The following KNL1 variants were observed in gnomAD, a reference collection of about 807,000 sequenced individuals.
KNL1 encodes the protein kinetochore scaffold 1.
Under a neutral mutation model 201.3 loss-of-function variants are expected in KNL1, and 66 were observed. The ratio of observed to expected loss-of-function variants is 0.33; its 90% CI spans 0.27 to 0.40. KNL1 has a LOEUF of 0.40. Ranked by LOEUF, KNL1 falls within the 10% of genes least tolerant of loss-of-function variation. The pLI is 1.00. For synonymous variants in KNL1, 895 were observed against 899.2 expected (o/e 1.00, Z 0.08); for missense variants, 2,815 against 2,690.5 (o/e 1.05, Z -1.02).
chr15:40,650,312 T>G lies in KNL1; in HGVS notation c.6106T>G (p.Leu2036Val). 1 of 1,606,154 alleles carries G rather than the reference T, an allele frequency of 6.2e-7. No homozygotes were observed. Among genetic ancestry groups the G allele is most frequent in the Non-Finnish European group, 8.5e-7 (1 of 1,173,246 alleles). Residue 2036 changes from leucine (L) to valine (V), a missense_variant, in exon 18 of 26, where the codon TTG (leucine) becomes GTG (valine). By Grantham distance (32) the Leu-to-Val change is conservative. Transcript: ENST00000399668. ...LTEMETETKN[L>V]EDEEKNNPVE... is the part of the protein sequence containing the mutation. ...ACTGTCTACTTTAGAAACTAAGAAT[T>G]TGGAGGATGAAGAGAAAAACAATCC...
At chr15:40,654,149 A>G (rs973137552) in intron 21 of KNL1, among the ~76,000 whole-genome samples, 1 of 152,206 alleles carries the variant, frequency 6.6e-6, no homozygotes, top group Non-Finnish European at 1.5e-5. Context: ...TAAAGAGAAA[A>G]TAATCAATTC....
At chr15:40,656,298 T>C (rs566732985) in intron 22 of KNL1, among the ~76,000 whole-genome samples, 1 of 151,966 alleles carries the variant, frequency 6.6e-6, no homozygotes, top group African/African-American at 2.4e-5. Context: ...CTGGGCATTG[T>C]GGTGTGTGCC....
In KNL1 at chr15:40,622,420, G is replaced by C; in HGVS notation, c.2156G>C (p.Ser719Thr). 1 of 1,613,772 alleles carries C rather than the reference G, an allele frequency of 6.2e-7. No individual in the cohort carries two copies. The highest frequency in any genetic ancestry group is 8.5e-7 in the Non-Finnish European group (1 of 1,179,778). ...AAAAATCATGATACTGCTATAAGTA[G>C]TCATACAGTGAAATCTGTACTAGGC... ...SMKNHDTAIS[S>T]HTVKSVLGQN... is the part of the protein sequence containing the mutation. The change falls in exon 10 of 26, where the codon AGT (serine) becomes ACT (threonine). Residue 719 changes from serine to threonine, a missense_variant. Ser to Thr is a moderately conservative substitution (Grantham distance 58). Coordinates refer to ENST00000399668, the MANE Select transcript of KNL1 (RefSeq NM_144508.5).
Position 40,622,130 on chromosome 15 carries a change from A to G in KNL1, c.1866A>G (p.Pro622=). 6.2e-7 allele frequency: 1 copy of G among 1,614,124 alleles called. No individual in the cohort carries two copies. The highest frequency in any genetic ancestry group is 8.5e-7 in the Non-Finnish European group (1 of 1,179,984). Reference sequence around the variant, plus strand: ...AAATTACCAAAAGTCGTAATGAACCATTTCAGCGATCAGACATAATAGCCA... The same window carrying G: ...AAATTACCAAAAGTCGTAATGAACCGTTTCAGCGATCAGACATAATAGCCA... ...CEEITKSRNE[P]FQRSDIIAKN... is the part of the protein sequence containing the mutation. Residue 622 remains proline, a synonymous_variant, in exon 10 of 26, where the codon CCA becomes CCG. Transcript: ENST00000399668.
intron 6 of KNL1, chr15:40,610,850 A>G: frequency 6.6e-6 from 3 of 454,916 alleles, no homozygotes; most frequent in Middle Eastern, 4.5e-4. Flanking sequence ...CCTGGGTTTA[A>G]GCGATTCTCC....
At chr15:40,599,254 A>G (rs1001885857) in intron 1 of KNL1, among the ~76,000 whole-genome samples, 4 of 150,282 alleles carry the variant, frequency 2.7e-5, no homozygotes, top group African/African-American at 9.8e-5. Context: ...CAGAGGTTGC[A>G]GTGAGCCAAA....
At chr15:40,603,568 G>A (rs1454013751) in intron 2 of KNL1, among the ~76,000 whole-genome samples, 1 of 152,162 alleles carries the variant, frequency 6.6e-6, no homozygotes, top group Non-Finnish European at 1.5e-5. Context: ...ACCAGCCTGA[G>A]CAACATAGTA....
In KNL1 at chr15:40,622,266, A is replaced by G; in HGVS notation, c.2002A>G (p.Thr668Ala). The change falls in exon 10 of 26, where the codon ACA becomes GCA. Residue 668 changes from threonine (T) to alanine (A), a missense_variant. Coordinates refer to ENST00000399668, the MANE Select transcript of KNL1 (RefSeq NM_144508.5). Reference sequence around the variant, plus strand: ...AGCTGATTGTAATCAGGAGATAGCAACAAGCCATAATATAGTCTACTGTGG... The same window carrying G: ...AGCTGATTGTAATCAGGAGATAGCAGCAAGCCATAATATAGTCTACTGTGG... The part of the protein sequence containing the change: ...QSADCNQEIA[T>A]SHNIVYCGGV... 13 of 1,614,082 alleles carry G rather than the reference A, an allele frequency of 8.1e-6. No homozygotes were observed. Among genetic ancestry groups the G allele is most frequent in the Non-Finnish European group, 1.1e-5 (13 of 1,179,960 alleles).
chr15:40,603,733 C>T (rs1171755657), intron 2 of KNL1, among the ~76,000 whole-genome samples: 1 of 152,222 alleles, frequency 6.6e-6, no homozygotes, highest in East Asian at 1.9e-4. Context: ...AGTGGCATAG[C>T]GTAAAGCAGC....
At chr15:40,606,960 T>C (rs1891997193) in intron 4 of KNL1, among the ~76,000 whole-genome samples, 1 of 152,196 alleles carries the variant, frequency 6.6e-6, no homozygotes, top group Non-Finnish European at 1.5e-5. Context: ...GATTTCGCCA[T>C]GTTGCCCCAC....
chr15:40,599,068 G>T (rs1226982838), intron 1 of KNL1, among the ~76,000 whole-genome samples: 1 of 151,740 alleles, frequency 6.6e-6, no homozygotes, highest in African/African-American at 2.4e-5. Context: ...ACTTCCCAGA[G>T]TGCTGGGATT....
At position 40,623,350 on chromosome 15, in the gene KNL1, A is replaced by C. The variant is rs772374400; in HGVS notation, c.3086A>C (p.Glu1029Ala). The C allele has an allele frequency of 6.2e-7, 1 of 1,614,034 alleles. No homozygotes were observed. The highest frequency in any genetic ancestry group is 1.3e-5 in the African/African-American group (1 of 75,044). Reference sequence around the variant, plus strand: ...TGGTCTAATAATAGGGGCCCTGTAGAGGTAGCTGATAACATGGAATTGTCT... The same window carrying C: ...TGGTCTAATAATAGGGGCCCTGTAGCGGTAGCTGATAACATGGAATTGTCT... ...EEWSNNRGPV[E>A]VADNMELSKS... The change falls in exon 10 of 26, where the codon GAG becomes GCG. Residue 1029 changes from glutamate to alanine, a missense_variant. Glu to Ala is a moderately radical substitution (Grantham distance 107, BLOSUM62 -1). Transcript: ENST00000399668.
rs1433369598 is a variant in KNL1 at position 40,657,480 on chromosome 15, G to A, written c.6713+7G>A. 5.2e-6 allele frequency: 7 copies of A among 1,340,996 alleles called. No homozygotes were observed. In the East Asian group the frequency reaches 6.9e-5, roughly 13 times the overall value. The allele number at this position is 1,340,996 out of a possible 1,614,324, so 83.1% of individuals were successfully genotyped here. Reference sequence around the variant, plus strand: ...TAGATATTAATAATAATGAGTAAGTGTATTAGTTCCCAAGGACTGCCATGA... The same window carrying A: ...TAGATATTAATAATAATGAGTAAGTATATTAGTTCCCAAGGACTGCCATGA... On this transcript the variant is annotated splice_region_variant and intron_variant, in intron 24 of 25. Transcript: ENST00000399668.
intron 1 of KNL1, among the ~76,000 whole-genome samples, chr15:40,599,580 T>A (rs1472008192): frequency 6.6e-6 from 1 of 151,646 alleles, no homozygotes; most frequent in East Asian, 2.0e-4. Flanking sequence ...GGTGGGGTTT[T>A]GCCGTGTTGT....
intron 17 of KNL1, among the ~76,000 whole-genome samples, chr15:40,647,533 C>T (rs1488153710): frequency 1.3e-5 from 2 of 151,994 alleles, no homozygotes; most frequent in African/African-American, 4.8e-5. Flanking sequence ...AGTTCCTTTA[C>T]TATAGTCATC....
chr15:40,605,294 G>T, intron 3 of KNL1, 145 bp downstream of exon 3: 2 of 558,524 alleles, frequency 3.6e-6, no homozygotes, highest in South Asian at 5.5e-5. Flanking sequence ...ATTTAACGTG[G>T]TTATACAATT....
chr15:40,616,786 C>G (rs1892357696), intron 8 of KNL1, among the ~76,000 whole-genome samples: 1 of 152,174 alleles, frequency 6.6e-6, no homozygotes, highest in Non-Finnish European at 1.5e-5. Flanking sequence ...AGCCCATACT[C>G]CTTAGCAATG....
intron 14 of KNL1, among the ~76,000 whole-genome samples, chr15:40,644,622 AG>A (rs1893331382): frequency 6.6e-6 from 1 of 152,264 alleles, no homozygotes; most frequent in Non-Finnish European, 1.5e-5. Context: ...CCCGCTTTCA[AG>A]GGCAGAGGTC....
intron 9 of KNL1, 65 bp from the exon 10 acceptor site, chr15:40,620,575 G>T (rs928693343): frequency 8.9e-6 from 9 of 1,007,372 alleles, no homozygotes; most frequent in Non-Finnish European, 1.3e-5. Flanking sequence ...TATAATACAT[G>T]TTGTAAAATG....
Sources: allele counts gnomAD v4.1 joint callset (sites outside exome capture counted in the v4.1 genomes callset), GRCh38; gene constraint gnomAD v4.1.1; transcripts MANE v1.5; gene names NCBI Gene and HGNC (gene_info 2026-07-23, HGNC 2026-07-21).